The following CALML4 variants were observed in gnomAD, a reference collection of about 807,000 sequenced individuals.
CALML4 encodes calmodulin-like protein 4.
CALML4 carries 16 observed loss-of-function variants against 17.9 expected under a neutral mutation model. That is an observed-to-expected ratio of 0.89 (90% CI 0.61 to 1.36). The LOEUF is 1.36. CALML4 is among the 40% of genes most tolerant of loss of function. The pLI, the probability that CALML4 is intolerant of heterozygous loss-of-function variation, is 0.00. For synonymous variants in CALML4, 86 were observed against 71.5 expected, an observed-to-expected ratio of 1.20 and a Z score of -1.02; for missense variants, 203 against 194.8, an observed-to-expected ratio of 1.04 and a Z score of -0.25.
chr15:68,194,137 TCA>T, intron 4 of CALML4, 25 bp from the exon 5 acceptor site: 1 of 1,589,686 alleles, frequency 6.3e-7, no homozygotes, highest in Non-Finnish European at 8.6e-7. Flanking sequence ...ATTTAATTTT[TCA>T]GTTTGGCTTT....
At chr15:68,198,192 A>T (rs1426304279) in intron 3 of CALML4, 2 of 152,558 alleles carry the variant, frequency 1.3e-5, no homozygotes, top group African/African-American at 4.8e-5. Flanking sequence ...TGGAGGGGAC[A>T]GAAATCAAGG....
chr15:68,199,204 G>A (rs1294239513), intron 3 of CALML4, among the ~76,000 whole-genome samples: 1 of 152,020 alleles, frequency 6.6e-6, no homozygotes, highest in African/African-American at 2.4e-5. Flanking sequence ...TACTTCATAG[G>A]GTTTTTGGAG....
intron 3 of CALML4, among the ~76,000 whole-genome samples, chr15:68,198,845 C>A (rs1436010032): frequency 6.6e-6 from 1 of 151,916 alleles, no homozygotes; most frequent in Non-Finnish European, 1.5e-5. Flanking sequence ...TGGATGTAAA[C>A]CTTGATCTTT....
At chr15:68,195,961 G>C (rs2093142603) in intron 4 of CALML4, among the ~76,000 whole-genome samples, 1 of 152,164 alleles carries the variant, frequency 6.6e-6, no homozygotes, top group Non-Finnish European at 1.5e-5. Context: ...TGGGAGGGAA[G>C]GATGACCCAT....
chr15:68,199,610 C>G lies in CALML4; in HGVS notation c.106G>C (p.Ala36Pro), dbSNP rs535031264. ...GGGCTGGCCCCCAGGCACCTCATGG[C>G]CACCATGAGGTCGGTGGCTTTTATC... ...GKIKATDLMV[A>P]MRCLGASPTP... The change falls in exon 3 of 5, where the codon GCC becomes CCC. Residue 36 changes from alanine (A) to proline (P), a missense_variant. Physicochemically the swap from Ala to Pro is conservative, Grantham distance 27. Coordinates refer to ENST00000467889, the MANE Select transcript of CALML4 (RefSeq NM_033429.3). The G allele has an allele frequency of 6.2e-7, 1 of 1,613,560 alleles. No homozygotes were observed. The highest frequency in any genetic ancestry group is 1.7e-5 in the Admixed American group (1 of 60,000).
chr15:68,205,422 G>A, upstream of CALML4: 1 of 1,611,128 alleles, frequency 6.2e-7, no homozygotes, highest in African/African-American at 1.3e-5. This position sits in a 1 kb window ranked among gnomAD's most constrained non-coding sequence, Gnocchi z 4.8. Flanking sequence ...AGCTTCCTGA[G>A]CACAGCTCAT....
At chr15:68,205,580 TTCTC>T (rs1007628706), upstream of CALML4, 18 of 614,058 alleles carry the variant, frequency 2.9e-5, no homozygotes, top group Middle Eastern at 4.5e-4. This position sits in a 1 kb window ranked among gnomAD's most constrained non-coding sequence, Gnocchi z 4.8. Flanking sequence ...GGAAGGGGTC[TTCTC>T]TCTCTCTCCT....
At chr15:68,205,391 A>C (rs772353522), upstream of CALML4, 1 of 1,613,350 alleles carries the variant, frequency 6.2e-7, no homozygotes, top group Non-Finnish European at 8.5e-7. The surrounding 1 kb of genome is among the most constrained non-coding windows in gnomAD (Gnocchi z 4.8). Context: ...ACTGGGCCCG[A>C]CGCCACCAGG....
Position 68,202,436 on chromosome 15 carries a change from T to A in CALML4, c.34+2685A>T, listed in dbSNP as rs577732342. ...GCCTGGACAATATAGTAAGACCTCA[T>A]GTCTACAAAATATTTACAAATGTTT... On this transcript the variant is annotated intron_variant, in intron 2 of 4. Coordinates refer to ENST00000467889, the MANE Select transcript of CALML4 (RefSeq NM_033429.3). 1.4e-4 allele frequency among the ~76,000 whole-genome samples: 22 copies of A among 152,320 alleles called. 1 individual carries two copies. The South Asian group carries it at 4.6e-3, about 32-fold the overall frequency.
chr15:68,199,753 G>C, intron 2 of CALML4, 72 bp from the exon 3 acceptor site: 2 of 1,509,848 alleles, frequency 1.3e-6, no homozygotes, highest in Non-Finnish European at 1.8e-6. Flanking sequence ...CCCATCCTTA[G>C]TCTCTTCTCC....
intron 4 of CALML4, among the ~76,000 whole-genome samples, chr15:68,196,193 C>T (rs1237216105): frequency 1.4e-4 from 21 of 152,212 alleles, no homozygotes; most frequent in Non-Finnish European, 1.0e-4. Flanking sequence ...GGGCTACAGG[C>T]GCCCGCCACC....
chr15:68,196,599 C>CGGGCAG (rs964953919), intron 4 of CALML4, among the ~76,000 whole-genome samples: 15 of 152,140 alleles, frequency 9.9e-5, no homozygotes, highest in African/African-American at 3.6e-4. Flanking sequence ...TCCCTGGCCT[C>CGGGCAG]GGGCAGAGGC....
rs376266347 is a variant in CALML4, at chr15:68,200,846, A to G, written c.35-1165T>C. On this transcript the variant is annotated intron_variant, in intron 2 of 4. Coordinates refer to ENST00000467889, the MANE Select transcript of CALML4 (RefSeq NM_033429.3). The surrounding 1 kb of genome is among the most constrained non-coding windows in gnomAD (Gnocchi z 4.3). Reference sequence around the variant, plus strand: ...CACTCCACCCCCAGGCCCTCGCTTCATCCCCACAACCCTGTGATGCGCCCC... The same window carrying G: ...CACTCCACCCCCAGGCCCTCGCTTCGTCCCCACAACCCTGTGATGCGCCCC... Among the ~76,000 whole-genome samples the G allele has an allele frequency of 3.9e-5, 6 of 152,052 alleles. No homozygotes were observed. Among genetic ancestry groups the G allele is most frequent in the African/African-American group, 1.4e-4 (6 of 41,400 alleles).
In CALML4 at chr15:68,204,692, G is replaced by A. The variant is rs115834813; in HGVS notation, c.34+429C>T. Among the ~76,000 whole-genome samples the A allele has an allele frequency of 5.1e-3, 779 of 152,178 alleles. 1 individual carries two copies. The highest frequency in any genetic ancestry group is 0.017 in the African/African-American group (706 of 41,500). Reference sequence around the variant, plus strand: ...AGTGGACCCTCCATTTTACAGATAGGGAGACTGAGGCGCAGAGAGTAGACG... The same window carrying A: ...AGTGGACCCTCCATTTTACAGATAGAGAGACTGAGGCGCAGAGAGTAGACG... On this transcript the variant is annotated intron_variant, in intron 2 of 4. Transcript: ENST00000467889. The surrounding 1 kb of genome is among the most constrained non-coding windows in gnomAD (Gnocchi z 6.0).
chr15:68,199,212 G>T (rs897258749), intron 3 of CALML4, among the ~76,000 whole-genome samples: 1 of 152,010 alleles, frequency 6.6e-6, no homozygotes, highest in Admixed American at 6.6e-5. Flanking sequence ...AGGGTTTTTG[G>T]AGCTAAGCAC....
chr15:68,199,070 G>T (rs937652758), intron 3 of CALML4, among the ~76,000 whole-genome samples: 1 of 151,662 alleles, frequency 6.6e-6, no homozygotes, highest in African/African-American at 2.4e-5. Context: ...GCTGAGGCAG[G>T]AGAATCACTT....
At position 68,192,913 on chromosome 15, in the gene CALML4, A is replaced by G. The variant is rs2093126857; in HGVS notation, c.*1102T>C. The stretch of plus-strand genomic sequence containing the variant: ...TTTTAGGACTGTGCTGGCACTACGA[A>G]TGATCCAGATTTGACAAGTGTATGG... On this transcript the variant is annotated 3_prime_UTR_variant, in exon 5 of 5. Transcript: ENST00000467889. 1.3e-5 allele frequency: 2 copies of G among 152,174 alleles called. No homozygotes were observed. Among genetic ancestry groups the G allele is most frequent in the African/African-American group, 4.8e-5 (2 of 41,426 alleles). 9.4% of individuals were successfully genotyped at this position (152,174 alleles called of 1,614,324 possible).
At chr15:68,199,718 G>A (rs779641965) in intron 2 of CALML4, 37 bp from the exon 3 acceptor site, 32 of 1,600,172 alleles carry the variant, frequency 2.0e-5, no homozygotes, top group African/African-American at 2.7e-5. Flanking sequence ...GCAGCGTCTG[G>A]TCACTCTCCG....
At position 68,199,601 on chromosome 15, in the gene CALML4, AC is replaced by A; in HGVS notation, c.114del (p.Arg38SerfsTer21). 1 of 1,613,302 alleles carries A rather than the reference AC, an allele frequency of 6.2e-7. No individual in the cohort carries two copies. Among genetic ancestry groups the A allele is most frequent in the Non-Finnish European group, 8.5e-7 (1 of 1,179,802 alleles). ...CCTGGCGTCGGGCTGGCCCCCAGGC[AC>A]CTCATGGCCACCATGAGGTCGGTGG... ...IKATDLMVAM[R>X]CLGASPTPGE... On this transcript the variant is annotated frameshift_variant, in exon 3 of 5. Coordinates refer to ENST00000467889, the MANE Select transcript of CALML4 (RefSeq NM_033429.3). LOFTEE classifies it high-confidence loss of function.
Sources: gnomAD v4.1 joint callset for allele counts (sites outside exome capture counted in the v4.1 genomes callset) on GRCh38, gnomAD v4.1.1 for gene constraint, Gnocchi (gnomAD v3.1) non-coding constraint, MANE v1.5 for transcripts, NCBI Gene and HGNC (gene_info 2026-07-23, HGNC 2026-07-21) for gene names.